PCDHGA8: variants seen among roughly 807,000 people sequenced by gnomAD.
PCDHGA8 encodes protocadherin gamma-A8.
PCDHGA8 carries 45 observed loss-of-function variants against 59.2 expected under a neutral mutation model. That is an observed-to-expected ratio of 0.76 (90% CI 0.60 to 0.98). The LOEUF is 0.98. Ranked by LOEUF, PCDHGA8 falls within the 50% of genes least tolerant of loss-of-function variation. The probability of loss-of-function intolerance (pLI) is 0.00; values close to 1 mark genes in which losing one functional copy is unlikely to be tolerated. For synonymous variants in PCDHGA8, 531 were observed against 519.0 expected, an observed-to-expected ratio of 1.02 and a Z score of -0.32; for missense variants, 1,257 against 1,196.2, an observed-to-expected ratio of 1.05 and a Z score of -0.75.
At chr5:141,456,949 C>A (rs1277351419) in intron 1 of PCDHGA8, among the ~76,000 whole-genome samples, 2 of 152,080 alleles carry the variant, frequency 1.3e-5, no homozygotes, top group East Asian at 3.9e-4. Flanking sequence ...GGCAACAGAG[C>A]AAAACTCCAT....
chr5:141,477,274 G>A lies in PCDHGA8; in HGVS notation c.2425-17533G>A. The A allele has an allele frequency of 2.5e-6, 4 of 1,614,034 alleles. No homozygotes were observed. Among genetic ancestry groups the A allele is most frequent in the East Asian group, 2.2e-5 (1 of 44,880 alleles). ...ACCTGGATGCTGGCGAGAACGGGCT[G>A]GTGACCTGCGAAGTTCCACCGGGTC... On this transcript the variant is annotated intron_variant, in intron 1 of 3. Coordinates refer to ENST00000398604, the MANE Select transcript of PCDHGA8 (RefSeq NM_032088.2). This position sits in a 1 kb window ranked among gnomAD's most constrained non-coding sequence, Gnocchi z 4.9.
chr5:141,421,477 A>G (rs755936665), intron 1 of PCDHGA8: 23 of 1,614,022 alleles, frequency 1.4e-5, no homozygotes, highest in Non-Finnish European at 1.7e-6. Context: ...GCGAAGCGGC[A>G]GCTTGATCAC....
chr5:141,398,684 A>G (rs752285568), intron 1 of PCDHGA8: 1 of 1,613,958 alleles, frequency 6.2e-7, no homozygotes, highest in Admixed American at 1.7e-5. Context: ...AAGGAGAAAC[A>G]GGATGGTAGT....
chr5:141,421,359 C>T, intron 1 of PCDHGA8: 1 of 1,614,012 alleles, frequency 6.2e-7, no homozygotes, highest in Non-Finnish European at 8.5e-7. Context: ...AAAAGGGCTC[C>T]TTCGTGGGCA....
In PCDHGA8 at chr5:141,398,254, A is replaced by G. The variant is rs868152545; in HGVS notation, c.2424+3017A>G. 5.5e-6 allele frequency: 8 copies of G among 1,465,970 alleles called. No homozygotes were observed. In the African/African-American group the frequency reaches 8.6e-5, roughly 16 times the overall value. The allele number at this position is 1,465,970 out of a possible 1,614,324, so 90.8% of individuals were successfully genotyped here. On this transcript the variant is annotated intron_variant, in intron 1 of 3. Transcript: ENST00000398604. ...CTACAGGATTCCCGAGGAAATGCCC[A>G]AGGGCTCCGTAGTGGGGAACCTCGC... is the stretch of plus-strand genomic sequence containing the variant.
intron 1 of PCDHGA8, chr5:141,403,381 C>T (rs1022563452): frequency 4.3e-6 from 7 of 1,614,038 alleles, no homozygotes; most frequent in Non-Finnish European, 8.5e-7. Context: ...TAAAAATTAA[C>T]GAAATCGCGG....
At chr5:141,426,487 G>A (rs999549044) in intron 1 of PCDHGA8, 2 of 333,788 alleles carry the variant, frequency 6.0e-6, no homozygotes, top group African/African-American at 4.3e-5. Context: ...AAACCTTAGA[G>A]TTAGTGCAGA....
intron 1 of PCDHGA8, chr5:141,428,257 G>T: frequency 1.2e-6 from 1 of 865,866 alleles, no homozygotes; most frequent in South Asian, 1.4e-5. Context: ...AGACTTCAGT[G>T]ACAGTCCTGT....
chr5:141,408,302 C>T (rs1017556555), intron 1 of PCDHGA8: 1 of 1,613,780 alleles, frequency 6.2e-7, no homozygotes, highest in Non-Finnish European at 8.5e-7. Context: ...TGAGCCGATC[C>T]GCTACTCGAT....
intron 1 of PCDHGA8, chr5:141,441,955 A>G: frequency 3.1e-6 from 1 of 320,028 alleles, no homozygotes; most frequent in Non-Finnish European, 6.0e-6. Context: ...GCAGGCCAGC[A>G]AGCCCAGGCT....
chr5:141,420,123 G>A (rs1335693841), intron 1 of PCDHGA8: 1 of 1,613,968 alleles, frequency 6.2e-7, no homozygotes, highest in Non-Finnish European at 8.5e-7. Flanking sequence ...TATAATTTTT[G>A]TGTGCCTGGG....
intron 1 of PCDHGA8, among the ~76,000 whole-genome samples, chr5:141,474,511 C>T (rs2099350824): frequency 6.6e-6 from 1 of 152,202 alleles, no homozygotes; most frequent in Non-Finnish European, 1.5e-5. Context: ...TATCAGCCCT[C>T]TTGCTGGTCT....
intron 1 of PCDHGA8, chr5:141,404,669 A>G: frequency 1.9e-6 from 3 of 1,614,100 alleles, no homozygotes; most frequent in Non-Finnish European, 2.5e-6. Context: ...TGATGGTTCT[A>G]CTGGTGTGGA....
intron 1 of PCDHGA8, chr5:141,424,468 C>A (rs1301878037): frequency 1.3e-5 from 2 of 152,072 alleles, no homozygotes; most frequent in South Asian, 2.1e-4. Context: ...TCCTTTTATT[C>A]TTTTACTTTG....
chr5:141,408,801 T>C, intron 1 of PCDHGA8: 1 of 1,613,142 alleles, frequency 6.2e-7, no homozygotes, highest in Admixed American at 1.7e-5. Context: ...GAGAAACTCC[T>C]AGACCGGGAA....
intron 1 of PCDHGA8, among the ~76,000 whole-genome samples, chr5:141,463,783 C>T (rs1395035313): frequency 1.3e-5 from 2 of 152,138 alleles, no homozygotes; most frequent in African/African-American, 4.8e-5. Flanking sequence ...CCTGCACTGT[C>T]TTTTGAACAA....
chr5:141,505,283 G>A, intron 2 of PCDHGA8, 110 bp from the exon 3 acceptor site: 5 of 1,547,446 alleles, frequency 3.2e-6, no homozygotes, highest in Non-Finnish European at 3.5e-6. Flanking sequence ...ACAGGTCTTG[G>A]GCATGGGGTA....
At position 141,491,578 on chromosome 5, in the gene PCDHGA8, C is replaced by T. The variant is rs1438933474; in HGVS notation, c.2425-3229C>T. 7.4e-6 allele frequency: 12 copies of T among 1,613,888 alleles called. No homozygotes were observed. The highest frequency in any genetic ancestry group is 1.0e-5 in the Non-Finnish European group (12 of 1,180,044). On this transcript the variant is annotated intron_variant, in intron 1 of 3. Coordinates refer to ENST00000398604, the MANE Select transcript of PCDHGA8 (RefSeq NM_032088.2). This position sits in a 1 kb window ranked among gnomAD's most constrained non-coding sequence, Gnocchi z 6.9. ...CCACTGCTACAGGACGTGCTTTTCA[C>T]CGGCCTCGGACGGCAGTGACTTCAC...
At position 141,485,437 on chromosome 5, in the gene PCDHGA8, C is replaced by A. The variant is rs2099613420; in HGVS notation, c.2425-9370C>A. The A allele has an allele frequency of 6.2e-7, 1 of 1,614,174 alleles. No individual in the cohort carries two copies. Among genetic ancestry groups the A allele is most frequent in the Non-Finnish European group, 8.5e-7 (1 of 1,180,028 alleles). On this transcript the variant is annotated intron_variant, in intron 1 of 3. Transcript: ENST00000398604. The surrounding 1 kb of genome is among the most constrained non-coding windows in gnomAD (Gnocchi z 5.7). ...ACAGCGGAGCCCTGCTCATCAAGAA[C>A]CCAATCGACCGAGAGGCACTGTGTG...
Sources: gnomAD v4.1 joint callset for allele counts (sites outside exome capture counted in the v4.1 genomes callset) on GRCh38, gnomAD v4.1.1 for gene constraint, Gnocchi (gnomAD v3.1) non-coding constraint, MANE v1.5 for transcripts, NCBI Gene and HGNC (gene_info 2026-07-23, HGNC 2026-07-21) for gene names.